Variants in MAP4 observed in about 807,000 individuals in gnomAD.
MAP4 encodes microtubule associated protein 4.
Under a neutral mutation model 170.2 loss-of-function variants are expected in MAP4, and 76 were observed. The observed-to-expected ratio is 0.45, with a 90% CI of 0.37 to 0.54. The LOEUF (loss-of-function observed/expected upper bound fraction) is 0.54. Ranked by LOEUF, MAP4 falls within the 20% of genes least tolerant of loss-of-function variation. The probability of loss-of-function intolerance (pLI) is 0.00; values close to 1 mark genes in which losing one functional copy is unlikely to be tolerated. For missense variants in MAP4, 2,506 were observed against 2,748.0 expected, an observed-to-expected ratio of 0.91 and a Z score of 1.97; for synonymous variants, 909 against 994.5, an observed-to-expected ratio of 0.91 and a Z score of 1.62.
At position 47,910,403 on chromosome 3, in the gene MAP4, C is replaced by T. The variant is rs913017930; in HGVS notation, c.4018G>A (p.Val1340Ile). 6.5e-6 allele frequency: 10 copies of T among 1,536,734 alleles called. No homozygotes were observed. In the Admixed American group the frequency reaches 2.0e-4, roughly 30 times the overall value. ...IQGAGFVPSV[V>I]SEENKTDAAN... Reference sequence around the variant, plus strand: ...GCATCTGTCTTATTCTCCTCAGATACTACTGAAGGAACAAATCCTGCCCCC... The same window carrying T: ...GCATCTGTCTTATTCTCCTCAGATATTACTGAAGGAACAAATCCTGCCCCC... The change falls in exon 9 of 21, where the codon GTA becomes ATA. Residue 1340 changes from valine (V) to isoleucine (I), a missense_variant. Physicochemically the swap from Val to Ile is conservative, Grantham distance 29. Around this residue, in one of 3 missense-constraint regions of MAP4, gnomAD observed 2,008 missense variants for 2,206.0 expected, o/e 0.91. Transcript: ENST00000683076.
At chr3:48,053,956 A>G (rs1559864262) in intron 1 of MAP4, among the ~76,000 whole-genome samples, 2 of 152,218 alleles carry the variant, frequency 1.3e-5, no homozygotes, top group Admixed American at 1.3e-4. Flanking sequence ...TTGTGTTTCT[A>G]AATTATCTAC....
chr3:48,082,797 C>CAAAAAAAAAAAAAAAAAAAAAAAAAAA (rs1294638726), intron 1 of MAP4, among the ~76,000 whole-genome samples: 1 of 49,012 alleles, frequency 2.0e-5, no homozygotes, highest in Non-Finnish European at 4.3e-5. Flanking sequence ...GACTTTGTCT[C>CAAAAAAAAAAAAAAAAAAAAAAAAAAA]AAAAAAAAAA....
intron 18 of MAP4, among the ~76,000 whole-genome samples, chr3:47,856,753 T>A (rs2057263285): frequency 6.6e-6 from 1 of 152,330 alleles, no homozygotes; most frequent in African/African-American, 2.4e-5. Flanking sequence ...TGCCTTCACC[T>A]TATCTGGCCT....
chr3:48,000,340 T>C (rs893716867), intron 1 of MAP4, among the ~76,000 whole-genome samples: 5 of 151,190 alleles, frequency 3.3e-5, no homozygotes, highest in Admixed American at 3.3e-4. Context: ...TTTCAAAAAG[T>C]CTAACAGAAA....
intron 9 of MAP4, among the ~76,000 whole-genome samples, chr3:47,907,418 A>C (rs1056837190): frequency 6.6e-6 from 1 of 152,172 alleles, no homozygotes; most frequent in Non-Finnish European, 1.5e-5. Context: ...TTAGTTTAAA[A>C]ATTTTTTTTT....
intron 1 of MAP4, among the ~76,000 whole-genome samples, chr3:48,002,991 A>AAATAAATAAATAAATT (rs1393173347): frequency 1.7e-4 from 26 of 150,654 alleles, no homozygotes; most frequent in African/African-American, 5.9e-4. Flanking sequence ...ATAAATAAAT[A>AAATAAATAAATAAATT]AATTTAATTC....
At chr3:48,065,212 C>CACCTCATA (rs1475847084) in intron 1 of MAP4, among the ~76,000 whole-genome samples, 1 of 152,102 alleles carries the variant, frequency 6.6e-6, no homozygotes. Flanking sequence ...ACTACTGTAC[C>CACCTCATA]ACCTCATAAC....
chr3:48,019,768 T>A (rs1409464401), upstream of MAP4, among the ~76,000 whole-genome samples: 1 of 152,134 alleles, frequency 6.6e-6, no homozygotes, highest in African/African-American at 2.4e-5. Context: ...TCCCAGCTCT[T>A]GGGAGGCTGA....
In MAP4 at chr3:47,877,463, G is replaced by T. The variant is rs1401453970; in HGVS notation, c.5495C>A (p.Thr1832Asn). ...VVSGTGNDIT[T>N]PPNKELPPSP... The stretch of plus-strand genomic sequence containing the variant: ...TGGTGGGAGCTCCTTGTTCGGTGGG[G>T]TGGTGATGTCATTTCCTGTCCCACT... The change falls in exon 11 of 21, where the codon ACC becomes AAC. Residue 1832 changes from threonine to asparagine, a missense_variant. Coordinates refer to ENST00000683076, the MANE Select transcript of MAP4 (RefSeq NM_001385682.1). 1 of 1,614,104 alleles carries T rather than the reference G, an allele frequency of 6.2e-7. No individual in the cohort carries two copies. The highest frequency in any genetic ancestry group is 1.7e-5 in the Admixed American group (1 of 60,012).
At chr3:47,937,796 G>C (rs1440179802) in intron 3 of MAP4, among the ~76,000 whole-genome samples, 2 of 150,808 alleles carry the variant, frequency 1.3e-5, no homozygotes, top group African/African-American at 4.9e-5. Flanking sequence ...TGAGTAGCTG[G>C]GATTACAGGC....
intron 10 of MAP4, among the ~76,000 whole-genome samples, chr3:47,882,286 TA>T (rs966302247): frequency 2.6e-5 from 4 of 152,056 alleles, no homozygotes; most frequent in African/African-American, 4.8e-5. Flanking sequence ...TCTCAGTAAA[TA>T]AAAAAATAAA....
At chr3:47,914,150 T>C (rs2100037352) in intron 8 of MAP4, among the ~76,000 whole-genome samples, 1 of 152,156 alleles carries the variant, frequency 6.6e-6, no homozygotes, top group South Asian at 2.1e-4. Context: ...ATTTATATTA[T>C]AGCTAAGTAA....
At chr3:48,024,166 T>C (rs2100111943) in intron 1 of MAP4, among the ~76,000 whole-genome samples, 1 of 151,878 alleles carries the variant, frequency 6.6e-6, no homozygotes, top group Admixed American at 6.6e-5. Flanking sequence ...AAAAATTAGC[T>C]GGGCGTGGTG....
chr3:47,902,330 A>G (rs1174625007), intron 10 of MAP4, among the ~76,000 whole-genome samples: 4 of 152,074 alleles, frequency 2.6e-5, no homozygotes, highest in Non-Finnish European at 4.4e-5. Flanking sequence ...AATGGTAGCT[A>G]TTTTTAGTTG....
intron 1 of MAP4, among the ~76,000 whole-genome samples, chr3:48,059,514 CAAAAAAAAAAA>C (rs762700404): frequency 6.1e-4 from 11 of 18,008 alleles, no homozygotes; most frequent in East Asian, 2.0e-3. Context: ...GACTCCATCT[CAAAAAAAAAAA>C]AAAAAAAAAA....
At chr3:48,062,228 T>C (rs967250441) in intron 1 of MAP4, among the ~76,000 whole-genome samples, 21 of 152,198 alleles carry the variant, frequency 1.4e-4, no homozygotes, top group Non-Finnish European at 2.9e-4. Flanking sequence ...AAACATGTGC[T>C]GTGTCCACTC....
chr3:48,033,679 C>T (rs1192490646), intron 1 of MAP4, among the ~76,000 whole-genome samples: 1 of 152,178 alleles, frequency 6.6e-6, no homozygotes, highest in African/African-American at 2.4e-5. Context: ...CAGCTCACTG[C>T]AACCTCCGCC....
chr3:47,962,573 A>T (rs1317155750), intron 3 of MAP4, among the ~76,000 whole-genome samples: 1 of 152,184 alleles, frequency 6.6e-6, no homozygotes, highest in Non-Finnish European at 1.5e-5. Context: ...TTACCCCTAT[A>T]GTAAATTCTC....
At chr3:47,897,439 T>C (rs1244843344) in intron 10 of MAP4, among the ~76,000 whole-genome samples, 1 of 152,210 alleles carries the variant, frequency 6.6e-6, no homozygotes, top group Admixed American at 6.5e-5. Flanking sequence ...TGTATCTTTT[T>C]TGTGATCATT....
Sources: allele counts gnomAD v4.1 joint callset (sites outside exome capture counted in the v4.1 genomes callset), GRCh38; gene constraint gnomAD v4.1.1; regional missense constraint gnomAD v4.1.1; transcripts MANE v1.5; gene names NCBI Gene and HGNC (gene_info 2026-07-23, HGNC 2026-07-21).